The following FREM2 variants were observed in gnomAD, a reference collection of about 807,000 sequenced individuals.
FREM2 encodes the protein FRAS1-related extracellular matrix protein 2.
In FREM2, 119 loss-of-function variants were observed where a neutral mutation model predicts 219.9. That is an observed-to-expected ratio of 0.54 (90% CI 0.47 to 0.63). The LOEUF is 0.63. FREM2 is among the 30% of genes least tolerant of loss of function. The pLI is 0.00. For missense variants in FREM2, 4,030 were observed against 3,993.6 expected, an observed-to-expected ratio of 1.01 and a Z score of -0.25; for synonymous variants, 1,562 against 1,522.8, an observed-to-expected ratio of 1.03 and a Z score of -0.60.
intron 6 of FREM2, among the ~76,000 whole-genome samples, chr13:38,846,023 T>C (rs758533435): frequency 1.3e-4 from 20 of 152,176 alleles, no homozygotes; most frequent in Non-Finnish European, 2.8e-4. Context: ...GGCCCTGCAG[T>C]CTTCAGGACT....
chr13:38,718,327 A>G (rs1871091733), intron 2 of FREM2, among the ~76,000 whole-genome samples: 1 of 152,076 alleles, frequency 6.6e-6, no homozygotes, highest in South Asian at 2.1e-4. Flanking sequence ...TGACAGCCCT[A>G]CTCCAGGGGT....
intron 6 of FREM2, among the ~76,000 whole-genome samples, chr13:38,817,368 A>G (rs1182236748): frequency 2.0e-5 from 3 of 152,134 alleles, no homozygotes; most frequent in East Asian, 3.9e-4. Flanking sequence ...AAACAGACAC[A>G]TAGACCAATG....
chr13:38,701,680 A>G (rs1342365461), intron 2 of FREM2, among the ~76,000 whole-genome samples: 1 of 152,026 alleles, frequency 6.6e-6, no homozygotes, highest in Admixed American at 6.6e-5. Flanking sequence ...TCAAATAACT[A>G]TTCCAGGCAT....
chr13:38,779,233 G>T (rs1308874655), intron 4 of FREM2, among the ~76,000 whole-genome samples: 1 of 151,950 alleles, frequency 6.6e-6, no homozygotes, highest in African/African-American at 2.4e-5. Flanking sequence ...GTCGGGGGGT[G>T]GAGGGAAAGG....
Position 38,689,053 on chromosome 13 carries a change from C to T in FREM2, c.1709C>T (p.Thr570Ile). Reference sequence around the variant, plus strand: ...GTTCTCAATGCCAACACGGGGCTGACACTGGCAGAGGGTGAAACAGTGCCC... The same window carrying T: ...GTTCTCAATGCCAACACGGGGCTGATACTGGCAGAGGGTGAAACAGTGCCC... Reference protein sequence around the residue: ...PPVLNANTGLTLAEGETVPIL... With the variant: ...PPVLNANTGLILAEGETVPIL... The change falls in exon 1 of 24, where the codon ACA becomes ATA. Residue 570 changes from threonine to isoleucine, a missense_variant. Coordinates refer to ENST00000280481, the MANE Select transcript of FREM2 (RefSeq NM_207361.6). 6.2e-7 allele frequency: 1 copy of T among 1,613,714 alleles called. No individual in the cohort carries two copies. The highest frequency in any genetic ancestry group is 8.5e-7 in the Non-Finnish European group (1 of 1,179,766).
chr13:38,880,610 G>A lies in FREM2; in HGVS notation c.9333G>A (p.Leu3111=). 6.2e-7 allele frequency: 1 copy of A among 1,613,802 alleles called. No homozygotes were observed. The highest frequency in any genetic ancestry group is 8.5e-7 in the Non-Finnish European group (1 of 1,179,696). ...ACAGCCCCAGCTCTGCAGTCAGCCT[G>A]GTCACTGTGGTGGGAGGCACCACGG... is the stretch of plus-strand genomic sequence containing the variant. The part of the protein sequence containing the change: ...ELNSPSSAVS[L]VTVVGGTTVG... Residue 3111 remains leucine (L), a synonymous_variant, in exon 24 of 24, where the codon CTG becomes CTA. Transcript: ENST00000280481.
rs977907611 is a variant in FREM2 at position 38,856,314 on chromosome 13, T to C, written c.7056+58T>C. 2.7e-6 allele frequency: 4 copies of C among 1,497,550 alleles called. No individual in the cohort carries two copies. In the African/African-American group the frequency reaches 5.5e-5, roughly 21 times the overall value. The allele number at this position is 1,497,550 out of a possible 1,614,324, so 92.8% of individuals were successfully genotyped here. On this transcript the variant is annotated intron_variant, in intron 12 of 23. Transcript: ENST00000280481. ...CTAGCAGTTTGTCAGAGGAAATGCA[T>C]AAAAGCAATCACATAGTGTACAACA...
chr13:38,711,372 C>A (rs1417025327), intron 2 of FREM2, among the ~76,000 whole-genome samples: 3 of 151,882 alleles, frequency 2.0e-5, no homozygotes, highest in Non-Finnish European at 4.4e-5. Context: ...GCATTTTATA[C>A]TAGATTAAAA....
At chr13:38,856,585 C>T (rs868291116) in intron 12 of FREM2, among the ~76,000 whole-genome samples, 7 of 151,984 alleles carry the variant, frequency 4.6e-5, no homozygotes, top group African/African-American at 1.2e-4. Flanking sequence ...AAAGCAACAT[C>T]TCAGAGTAAA....
At chr13:38,780,938 T>C (rs1874092900) in intron 4 of FREM2, among the ~76,000 whole-genome samples, 1 of 152,230 alleles carries the variant, frequency 6.6e-6, no homozygotes, top group Non-Finnish European at 1.5e-5. Flanking sequence ...CTTTGAGTCT[T>C]TATCAAAACA....
At position 38,692,057 on chromosome 13, in the gene FREM2, T is replaced by C. The variant is rs569034373; in HGVS notation, c.4713T>C (p.Thr1571=). The C allele has an allele frequency of 6.2e-7, 1 of 1,614,228 alleles. No individual in the cohort carries two copies. The highest frequency in any genetic ancestry group is 1.3e-5 in the African/African-American group (1 of 75,056). The change falls in exon 1 of 24, where the codon ACT becomes ACC. Residue 1571 remains threonine, a synonymous_variant. Coordinates refer to ENST00000280481, the MANE Select transcript of FREM2 (RefSeq NM_207361.6). ...RDTPDKLLKF[T]ITQVPIHGHL... is the part of the protein sequence containing the mutation. ...CTCCTGACAAGCTCCTGAAATTCACTATCACCCAGGTGCCTATTCATGGCC... is the reference window on the plus strand; with the variant it reads ...CTCCTGACAAGCTCCTGAAATTCACCATCACCCAGGTGCCTATTCATGGCC...
chr13:38,824,943 C>T (rs1360877716), intron 6 of FREM2, among the ~76,000 whole-genome samples: 2 of 151,714 alleles, frequency 1.3e-5, no homozygotes, highest in South Asian at 4.2e-4. Context: ...CCAGCCTAAA[C>T]CCAGGCAGCT....
chr13:38,793,339 A>G (rs1005945222), intron 6 of FREM2, among the ~76,000 whole-genome samples: 2 of 152,214 alleles, frequency 1.3e-5, no homozygotes, highest in South Asian at 4.1e-4. Context: ...CTTCTTTAAA[A>G]ATGTTATTTT....
rs369791712 is a variant in FREM2, at chr13:38,884,954, A to G, written c.*4167A>G. The G allele has an allele frequency of 6.6e-6, 1 of 152,340 alleles. No individual in the cohort carries two copies. Among genetic ancestry groups the G allele is most frequent in the Admixed American group, 6.5e-5 (1 of 15,292 alleles). The allele number at this position is 152,340 out of a possible 1,614,324, so 9.4% of individuals were successfully genotyped here. ...CTTTAACATTAGTTCAGAGGTTAAT[A>G]TATTTCCTGGAGGTGTTTTCCTAGA... is the stretch of plus-strand genomic sequence containing the variant. On this transcript the variant is annotated 3_prime_UTR_variant, in exon 24 of 24. Transcript: ENST00000280481.
chr13:38,745,637 A>T lies in FREM2; in HGVS notation c.5264-18667A>T, dbSNP rs528271421. 5.1e-4 allele frequency among the ~76,000 whole-genome samples: 78 copies of T among 152,302 alleles called. 1 individual carries two copies. The South Asian group carries it at 0.015, about 30-fold the overall frequency. ...TAATCCGCTATTTTCAGGGATCACC[A>T]TAGATTTTCCATAGAAAACAGTTGG... On this transcript the variant is annotated intron_variant, in intron 2 of 23. Coordinates refer to ENST00000280481, the MANE Select transcript of FREM2 (RefSeq NM_207361.6).
intron 15 of FREM2, among the ~76,000 whole-genome samples, chr13:38,862,418 C>T (rs1411560007): frequency 6.6e-6 from 1 of 152,170 alleles, no homozygotes; most frequent in African/African-American, 2.4e-5. Flanking sequence ...GTGACTTGAG[C>T]TGCAAAGGGC....
intron 6 of FREM2, among the ~76,000 whole-genome samples, chr13:38,800,536 C>T (rs555224939): frequency 6.6e-6 from 1 of 152,174 alleles, no homozygotes; most frequent in East Asian, 1.9e-4. Flanking sequence ...GTGGAGAAGA[C>T]CTTTCTGAGT....
intron 6 of FREM2, among the ~76,000 whole-genome samples, chr13:38,817,915 C>A (rs1593425876): frequency 6.6e-6 from 1 of 151,852 alleles, no homozygotes; most frequent in South Asian, 2.1e-4. Context: ...ATAAGACATA[C>A]AAATGACAAA....
intron 6 of FREM2, among the ~76,000 whole-genome samples, chr13:38,793,206 C>G (rs982197131): frequency 6.6e-6 from 1 of 152,202 alleles, no homozygotes; most frequent in African/African-American, 2.4e-5. Context: ...ACCATGGCCT[C>G]TTAATTCATG....
Sources: allele counts gnomAD v4.1 joint callset (sites outside exome capture counted in the v4.1 genomes callset), GRCh38; gene constraint gnomAD v4.1.1; transcripts MANE v1.5; gene names NCBI Gene and HGNC (gene_info 2026-07-23, HGNC 2026-07-21).